The following NFIX variants were observed in gnomAD, a reference collection of about 807,000 sequenced individuals.
NFIX encodes nuclear factor I X.
A neutral mutation model predicts 53.3 loss-of-function variants in NFIX; 2 were observed. The observed-to-expected ratio is 0.04, with a 90% CI of 0.02 to 0.12. NFIX has a LOEUF of 0.12. Among genes scored for constraint, NFIX ranks in the 10% least tolerant of loss-of-function variants. The probability of loss-of-function intolerance (pLI) is 1.00; values close to 1 mark genes in which losing one functional copy is unlikely to be tolerated. For synonymous variants in NFIX, 244 were observed against 289.0 expected (o/e 0.84, Z 1.58); for missense variants, 310 against 674.5 (o/e 0.46, Z 5.99).
In NFIX at chr19:12,998,748, C is replaced by T. The variant is rs757618603; in HGVS notation, c.27+2884C>T. Among the ~76,000 whole-genome samples, 2 of 152,170 alleles carry T rather than the reference C, an allele frequency of 1.3e-5. No individual in the cohort carries two copies. The highest frequency in any genetic ancestry group is 2.9e-5 in the Non-Finnish European group (2 of 68,042). On this transcript the variant is annotated intron_variant, in intron 1 of 10. Coordinates refer to ENST00000592199, the MANE Select transcript of NFIX (RefSeq NM_001365902.3). The surrounding 1 kb of genome is among the most constrained non-coding windows in gnomAD (Gnocchi z 4.4). Reference sequence around the variant, plus strand: ...GACCATCGACGAGCCTACAGACCTACGGACACAGGAAACCGACGACTTGTG... The same window carrying T: ...GACCATCGACGAGCCTACAGACCTATGGACACAGGAAACCGACGACTTGTG...
At position 13,025,304 on chromosome 19, in the gene NFIX, T is replaced by C; in HGVS notation, c.311T>C (p.Val104Ala). The change falls in exon 2 of 11, where the codon GTG (valine) becomes GCG (alanine). Residue 104 changes from valine (V) to alanine (A), a missense_variant. Coordinates refer to ENST00000592199, the MANE Select transcript of NFIX (RefSeq NM_001365902.3). This position sits in a 1 kb window ranked among gnomAD's most constrained non-coding sequence, Gnocchi z 7.5. ...TITGKKPPCC[V>A]LSNPDQKGKI... ...ACGGGCAAGAAGCCCCCCTGCTGCG[T>C]GCTCTCCAACCCCGACCAGAAGGGC... 6.2e-7 allele frequency: 1 copy of C among 1,614,070 alleles called. No individual in the cohort carries two copies. Among genetic ancestry groups the C allele is most frequent in the East Asian group, 2.2e-5 (1 of 44,878 alleles).
rs1053209562 is a variant in NFIX at position 13,067,750 on chromosome 19, C to G, written c.560-5297C>G. 2.0e-5 allele frequency among the ~76,000 whole-genome samples: 3 copies of G among 152,062 alleles called. No homozygotes were observed. The highest frequency in any genetic ancestry group is 4.4e-5 in the Non-Finnish European group (3 of 68,028). ...GGCTGTAGCCAGCAGGAATTCCTCC[C>G]TCACCCTAGTGGGAGCCATAACTAC... is the stretch of plus-strand genomic sequence containing the variant. On this transcript the variant is annotated intron_variant, in intron 2 of 10. Coordinates refer to ENST00000592199, the MANE Select transcript of NFIX (RefSeq NM_001365902.3). This position sits in a 1 kb window ranked among gnomAD's most constrained non-coding sequence, Gnocchi z 4.2.
At position 13,014,654 on chromosome 19, in the gene NFIX, T is replaced by G. The variant is rs998924494; in HGVS notation, c.28-10367T>G. 3 of 152,300 alleles carry G rather than the reference T, an allele frequency of 2.0e-5. No individual in the cohort carries two copies. Among genetic ancestry groups the G allele is most frequent in the African/African-American group, 7.2e-5 (3 of 41,472 alleles). The allele number at this position is 152,300 out of a possible 1,614,324, so 9.4% of individuals were successfully genotyped here. ...AAATGCAGTCTTGGAGAGCCCGTCT[T>G]GGCAACCCTGTGCCCTTGATAGAAG... is the stretch of plus-strand genomic sequence containing the variant. On this transcript the variant is annotated intron_variant, in intron 1 of 10. Transcript: ENST00000592199. This position sits in a 1 kb window ranked among gnomAD's most constrained non-coding sequence, Gnocchi z 4.4.
chr19:13,072,523 T>C lies in NFIX; in HGVS notation c.560-524T>C, dbSNP rs1056848413. ...TTAACCAAGTTAGGGAAGGGGATGC[T>C]CCTCTGGGAGCTGGAGCTGGGTGGG... On this transcript the variant is annotated intron_variant, in intron 2 of 10. Coordinates refer to ENST00000592199, the MANE Select transcript of NFIX (RefSeq NM_001365902.3). The surrounding 1 kb of genome is among the most constrained non-coding windows in gnomAD (Gnocchi z 4.0). 2.0e-5 allele frequency among the ~76,000 whole-genome samples: 3 copies of C among 152,164 alleles called. No homozygotes were observed. Among genetic ancestry groups the C allele is most frequent in the Non-Finnish European group, 4.4e-5 (3 of 68,014 alleles).
At chr19:13,024,919 C>G in intron 1 of NFIX, 102 bp from the exon 2 acceptor site, 2 of 1,463,762 alleles carry the variant, frequency 1.4e-6, no homozygotes, top group Non-Finnish European at 1.9e-6. Flanking sequence ...CTTGTGCCCC[C>G]CCTTCTAACG....
In NFIX at chr19:13,051,946, G is replaced by C. The variant is rs905465155; in HGVS notation, c.560-21101G>C. Among the ~76,000 whole-genome samples the C allele has an allele frequency of 6.6e-6, 1 of 152,146 alleles. No individual in the cohort carries two copies. Among genetic ancestry groups the C allele is most frequent in the Non-Finnish European group, 1.5e-5 (1 of 68,026 alleles). On this transcript the variant is annotated intron_variant, in intron 2 of 10. Coordinates refer to ENST00000592199, the MANE Select transcript of NFIX (RefSeq NM_001365902.3). The surrounding 1 kb of genome is among the most constrained non-coding windows in gnomAD (Gnocchi z 5.1). ...TCACAGCGCCCGCCTTCTCCGCTCC[G>C]GCTTCATGCTCTCCAGGTTTCTCCA...
intron 2 of NFIX, among the ~76,000 whole-genome samples, chr19:13,047,835 C>G (rs189486720): frequency 2.8e-4 from 43 of 152,260 alleles, no homozygotes; most frequent in African/African-American, 1.0e-3. Flanking sequence ...GGAAGACAGG[C>G]CCCTCTCTTT....
Position 13,073,855 on chromosome 19 carries a change from C to T in NFIX, c.698-51C>T. On this transcript the variant is annotated intron_variant, in intron 4 of 10. Coordinates refer to ENST00000592199, the MANE Select transcript of NFIX (RefSeq NM_001365902.3). The surrounding 1 kb of genome is among the most constrained non-coding windows in gnomAD (Gnocchi z 4.5). ...CTGTTCATGACAAAGAAACAGACCC[C>T]ATCAGGCCTCCCCCCACCTCCAAAC... The T allele has an allele frequency of 6.8e-6, 11 of 1,612,854 alleles. No homozygotes were observed. Among genetic ancestry groups the T allele is most frequent in the African/African-American group, 6.7e-5 (5 of 74,996 alleles).
chr19:13,023,929 G>GCCCCCC, intron 1 of NFIX: 4 of 642,322 alleles, frequency 6.2e-6, no homozygotes, highest in South Asian at 1.7e-5. Flanking sequence ...TTCCTCCCCT[G>GCCCCCC]CTCCTCCTCC....
chr19:13,064,406 C>G (rs1295705273), intron 2 of NFIX, among the ~76,000 whole-genome samples: 2 of 152,224 alleles, frequency 1.3e-5, no homozygotes, highest in Non-Finnish European at 2.9e-5. Flanking sequence ...GCCTAGCACT[C>G]CCAGAGTCTA....
In NFIX at chr19:13,013,876, G is replaced by C. The variant is rs1429311547; in HGVS notation, c.28-11145G>C. 2 of 152,136 alleles carry C rather than the reference G, an allele frequency of 1.3e-5. No homozygotes were observed. Among genetic ancestry groups the C allele is most frequent in the African/African-American group, 4.8e-5 (2 of 41,428 alleles). The allele number at this position is 152,136 out of a possible 1,614,324, so 9.4% of individuals were successfully genotyped here. ...ACCTGAGATCTCCGCCACTGAAAAG[G>C]CGCTATAGAAATGCAAGGAATTATG... On this transcript the variant is annotated intron_variant, in intron 1 of 10. Coordinates refer to ENST00000592199, the MANE Select transcript of NFIX (RefSeq NM_001365902.3). This position sits in a 1 kb window ranked among gnomAD's most constrained non-coding sequence, Gnocchi z 5.9.
At chr19:13,075,722 T>C in intron 6 of NFIX, 51 bp downstream of exon 6, 7 of 1,585,848 alleles carry the variant, frequency 4.4e-6, no homozygotes, top group South Asian at 1.1e-5. Flanking sequence ...CAGAGTCTTT[T>C]TGTCCCCTTC....
rs1487636555 is a variant in NFIX at position 13,068,465 on chromosome 19, CAGG to C, written c.560-4579_560-4577del. ...TGTGGGTGTGAGAAGGGCAATTTTG[CAGG>C]AGAACTTTGTGGCTGTTCCAGAGGT... On this transcript the variant is annotated intron_variant, in intron 2 of 10. Transcript: ENST00000592199. This position sits in a 1 kb window ranked among gnomAD's most constrained non-coding sequence, Gnocchi z 4.2. 2.0e-5 allele frequency among the ~76,000 whole-genome samples: 3 copies of C among 152,180 alleles called. No homozygotes were observed. Among genetic ancestry groups the C allele is most frequent in the African/African-American group, 4.8e-5 (2 of 41,438 alleles).
Position 13,025,248 on chromosome 19 carries a change from C to G in NFIX, c.255C>G (p.Pro85=). The G allele has an allele frequency of 1.2e-6, 2 of 1,614,112 alleles. No homozygotes were observed. Among genetic ancestry groups the G allele is most frequent in the Middle Eastern group, 1.6e-4 (1 of 6,062 alleles). ...CCAAGCTGCGCAAGGACATCCGGCC[C>G]GAGTTCCGCGAGGACTTCGTGCTGA... ...LLAKLRKDIR[P]EFREDFVLTI... is the part of the protein sequence containing the mutation. The change falls in exon 2 of 11, where the codon CCC becomes CCG. Residue 85 remains proline, a synonymous_variant. Transcript: ENST00000592199. This position sits in a 1 kb window ranked among gnomAD's most constrained non-coding sequence, Gnocchi z 7.5.
At chr19:13,017,229 C>T (rs1377303750) in intron 1 of NFIX, among the ~76,000 whole-genome samples, 1 of 152,090 alleles carries the variant, frequency 6.6e-6, no homozygotes, top group Non-Finnish European at 1.5e-5. Context: ...TGGGCATGGT[C>T]CGAGCTCCTC....
At position 12,996,089 on chromosome 19, in the gene NFIX, G is replaced by A. The variant is rs1029647685; in HGVS notation, c.27+225G>A. On this transcript the variant is annotated intron_variant, in intron 1 of 10. Coordinates refer to ENST00000592199, the MANE Select transcript of NFIX (RefSeq NM_001365902.3). This position sits in a 1 kb window ranked among gnomAD's most constrained non-coding sequence, Gnocchi z 5.2. Reference sequence around the variant, plus strand: ...CGGACTCCTTTTGGGGGTTCCGGGGGTGGCCAGCTGCGTCGTGGCGCTGCC... The same window carrying A: ...CGGACTCCTTTTGGGGGTTCCGGGGATGGCCAGCTGCGTCGTGGCGCTGCC... Among the ~76,000 whole-genome samples, 10 of 151,766 alleles carry A rather than the reference G, an allele frequency of 6.6e-5. No individual in the cohort carries two copies. Among genetic ancestry groups the A allele is most frequent in the Non-Finnish European group, 1.3e-4 (9 of 67,880 alleles).
chr19:13,075,437 G>C, intron 5 of NFIX, 98 bp from the exon 6 acceptor site: 1 of 1,360,368 alleles, frequency 7.4e-7, no homozygotes, highest in Non-Finnish European at 1.0e-6. Context: ...TCCCCACCCA[G>C]AGGGCCATCT....
rs536949985 is a variant in NFIX at position 13,013,049 on chromosome 19, G to T, written c.28-11972G>T. Among the ~76,000 whole-genome samples the T allele has an allele frequency of 4.2e-5, 6 of 143,668 alleles. No homozygotes were observed. In the South Asian group the frequency reaches 1.5e-3, roughly 35 times the overall value. The allele number at this position is 143,668 out of a possible 152,430, so 94.3% of individuals were successfully genotyped here. On this transcript the variant is annotated intron_variant, in intron 1 of 10. Transcript: ENST00000592199. The surrounding 1 kb of genome is among the most constrained non-coding windows in gnomAD (Gnocchi z 5.9). ...CTCTCTTCTGCCTTCGGGCCGCGGGGAGTTGCGCAGACTCTAAAAAAAAAA... is the reference window on the plus strand; with the variant it reads ...CTCTCTTCTGCCTTCGGGCCGCGGGTAGTTGCGCAGACTCTAAAAAAAAAA...
chr19:13,006,783 C>T lies in NFIX; in HGVS notation c.27+10919C>T, dbSNP rs2012037810. Among the ~76,000 whole-genome samples the T allele has an allele frequency of 6.6e-6, 1 of 152,242 alleles. No homozygotes were observed. The stretch of plus-strand genomic sequence containing the variant: ...ACCCCCAAAGCTCCAGGCTTGAGAG[C>T]TCTGGGCTGGGGCCCGGCGGGGTCG... On this transcript the variant is annotated intron_variant, in intron 1 of 10. Transcript: ENST00000592199. This position sits in a 1 kb window ranked among gnomAD's most constrained non-coding sequence, Gnocchi z 5.6.
Sources: allele counts gnomAD v4.1 joint callset (sites outside exome capture counted in the v4.1 genomes callset), GRCh38; gene constraint gnomAD v4.1.1; non-coding constraint Gnocchi (gnomAD v3.1); transcripts MANE v1.5; gene names NCBI Gene and HGNC (gene_info 2026-07-23, HGNC 2026-07-21).